RBM20: variants seen among roughly 807,000 people sequenced by gnomAD.
RBM20 encodes the protein RNA-binding protein 20.
In RBM20, 51 loss-of-function variants were observed where a neutral mutation model predicts 110.1. That is an observed-to-expected ratio of 0.46 (90% CI 0.37 to 0.59). The LOEUF is 0.59. RBM20 is among the 20% of genes least tolerant of loss of function. The pLI, the probability that RBM20 is intolerant of heterozygous loss-of-function variation, is 0.00. For missense variants in RBM20, 1,512 were observed against 1,574.9 expected (o/e 0.96, Z 0.68); for synonymous variants, 589 against 618.2 (o/e 0.95, Z 0.70).
At chr10:110,785,439 G>A (rs781224302) in intron 5 of RBM20, among the ~76,000 whole-genome samples, 2 of 152,034 alleles carry the variant, frequency 1.3e-5, no homozygotes, top group Non-Finnish European at 2.9e-5. Context: ...GCCTGTAGTC[G>A]CAGCTACTTG....
At chr10:110,676,312 G>A (rs1862338838) in intron 1 of RBM20, among the ~76,000 whole-genome samples, 1 of 152,208 alleles carries the variant, frequency 6.6e-6, no homozygotes, top group South Asian at 2.1e-4. Flanking sequence ...TGACAGATAA[G>A]TGCCCTGCAT....
intron 1 of RBM20, among the ~76,000 whole-genome samples, chr10:110,734,088 G>C (rs1422250066): frequency 6.6e-6 from 1 of 152,160 alleles, no homozygotes; most frequent in African/African-American, 2.4e-5. Context: ...ATTCACTGAA[G>C]GTCGACATTC....
chr10:110,810,589 T>C (rs1844752894), intron 8 of RBM20, 127 bp downstream of exon 8: 1 of 605,486 alleles, frequency 1.7e-6, no homozygotes, highest in South Asian at 2.4e-5. Flanking sequence ...CCATCTGCTT[T>C]TCTGGGTCCC....
intron 11 of RBM20, 49 bp from the exon 12 acceptor site, chr10:110,823,431 C>CTTTTTTTTTTTTTTTTTTTT (rs201149204): frequency 9.0e-7 from 1 of 1,110,666 alleles, no homozygotes; most frequent in Non-Finnish European, 1.2e-6. Context: ...TGTTGTATTT[C>CTTTTTTTTTTTTTTTTTTTT]TTTTTTTTTT....
chr10:110,821,718 G>A lies in RBM20; in HGVS notation c.3099G>A (p.Glu1033=), dbSNP rs1463977943. 5 of 1,551,806 alleles carry A rather than the reference G, an allele frequency of 3.2e-6. No homozygotes were observed. Among genetic ancestry groups the A allele is most frequent in the Non-Finnish European group, 4.4e-6 (5 of 1,147,014 alleles). ...DCYEKEAKGV[E]SSDVHPAPTV... is the part of the protein sequence containing the mutation. ...ACGAGAAGGAGGCAAAGGGAGTGGA[G>A]AGCTCAGATGTTCATCCAGCCCCTA... Residue 1033 remains glutamate (E), a synonymous_variant, in exon 11 of 14, where the codon GAG becomes GAA. Coordinates refer to ENST00000369519, the MANE Select transcript of RBM20 (RefSeq NM_001134363.3).
intron 7 of RBM20, among the ~76,000 whole-genome samples, chr10:110,806,610 A>T (rs1163118101): frequency 6.6e-6 from 1 of 152,202 alleles, no homozygotes; most frequent in Non-Finnish European, 1.5e-5. Flanking sequence ...ACAATTGAAC[A>T]TGAGATTTGG....
At chr10:110,730,140 C>T (rs926626578) in intron 1 of RBM20, among the ~76,000 whole-genome samples, 3 of 152,092 alleles carry the variant, frequency 2.0e-5, no homozygotes, top group Non-Finnish European at 2.9e-5. Context: ...AAGACTAGTC[C>T]CAAGCACCAG....
At chr10:110,822,503 G>A (rs41292594) in intron 11 of RBM20, 5,544 of 456,444 alleles carry the variant, frequency 0.012, 43 homozygotes, top group African/African-American at 0.027. Context: ...GCCTATGCCC[G>A]GCACTGTGAC....
upstream of RBM20, among the ~76,000 whole-genome samples, chr10:110,643,970 A>AG (rs920301850): frequency 6.6e-5 from 10 of 152,144 alleles, no homozygotes; most frequent in Non-Finnish European, 1.5e-4. Flanking sequence ...CACCGTCCCC[A>AG]GGGACAGCCG....
intron 7 of RBM20, among the ~76,000 whole-genome samples, chr10:110,802,758 G>T (rs1404808232): frequency 2.0e-5 from 3 of 152,208 alleles, no homozygotes; most frequent in Admixed American, 2.0e-4. Flanking sequence ...GTGCCATGGA[G>T]GGAGAAGTAG....
intron 1 of RBM20, among the ~76,000 whole-genome samples, chr10:110,726,662 C>T (rs1227789070): frequency 2.0e-5 from 3 of 152,212 alleles, no homozygotes; most frequent in Non-Finnish European, 4.4e-5. Flanking sequence ...CTCAAAACCA[C>T]TTCCACTTCT....
chr10:110,817,701 T>C (rs756063338), intron 9 of RBM20, among the ~76,000 whole-genome samples: 1 of 152,202 alleles, frequency 6.6e-6, no homozygotes, highest in Non-Finnish European at 1.5e-5. Context: ...CTGTGATAAA[T>C]CTGAGCCTTC....
intron 9 of RBM20, among the ~76,000 whole-genome samples, chr10:110,819,225 G>A (rs911930351): frequency 1.3e-5 from 2 of 152,224 alleles, no homozygotes; most frequent in African/African-American, 2.4e-5. Flanking sequence ...CTAATGTGGG[G>A]GTTGGCAAAG....
chr10:110,708,608 G>A (rs1862876969), intron 1 of RBM20, among the ~76,000 whole-genome samples: 1 of 152,096 alleles, frequency 6.6e-6, no homozygotes, highest in South Asian at 2.1e-4. Flanking sequence ...TATTAATAAA[G>A]TATTAATAGT....
At chr10:110,827,026 T>C (rs1844990556) in intron 12 of RBM20, among the ~76,000 whole-genome samples, 3 of 152,196 alleles carry the variant, frequency 2.0e-5, no homozygotes, top group Admixed American at 2.0e-4. Context: ...TATTTGTTAA[T>C]AGTCTTCAGT....
chr10:110,799,078 C>G (rs1018676996), intron 6 of RBM20, among the ~76,000 whole-genome samples: 2 of 152,194 alleles, frequency 1.3e-5, no homozygotes. Context: ...TAACTCACAA[C>G]AACATGGCCT....
intron 1 of RBM20, among the ~76,000 whole-genome samples, chr10:110,767,656 A>G (rs10787278): frequency 0.97 from 146,378 of 151,038 alleles, 71,079 homozygotes; most frequent in East Asian, 1. Flanking sequence ...AGACGGGGTC[A>G]CGGCCGGGTA....
At chr10:110,797,200 G>A (rs1486655578) in intron 5 of RBM20, among the ~76,000 whole-genome samples, 1 of 152,170 alleles carries the variant, frequency 6.6e-6, no homozygotes, top group Non-Finnish European at 1.5e-5. Flanking sequence ...GGCTGAGATG[G>A]GAGAATCACT....
At chr10:110,824,443 A>G (rs1844957637) in intron 12 of RBM20, among the ~76,000 whole-genome samples, 4 of 152,210 alleles carry the variant, frequency 2.6e-5, no homozygotes, top group Admixed American at 2.6e-4. Context: ...AAGGGTATTG[A>G]ACAGGGAGAC....
Sources: allele counts gnomAD v4.1 joint callset (sites outside exome capture counted in the v4.1 genomes callset), GRCh38; gene constraint gnomAD v4.1.1; transcripts MANE v1.5; gene names NCBI Gene and HGNC (gene_info 2026-07-23, HGNC 2026-07-21).